Variants in FBXL17 observed in about 807,000 individuals in gnomAD.
FBXL17 encodes the protein F-box and leucine rich repeat protein 17.
A neutral mutation model predicts 66.2 loss-of-function variants in FBXL17; 22 were observed. The observed-to-expected ratio is 0.33, with a 90% CI of 0.24 to 0.47. FBXL17 has a LOEUF of 0.47. FBXL17 is among the 20% of genes least tolerant of loss of function. The pLI, the probability that FBXL17 is intolerant of heterozygous loss-of-function variation, is 1.00. For synonymous variants in FBXL17, 474 were observed against 400.5 expected (o/e 1.18, Z -2.19); for missense variants, 878 against 948.2 (o/e 0.93, Z 0.97).
chr5:108,062,411 T>C (rs1747958445), intron 6 of FBXL17, among the ~76,000 whole-genome samples: 1 of 152,166 alleles, frequency 6.6e-6, no homozygotes. Context: ...AATTCATATC[T>C]TTAATAGTAT....
At chr5:108,009,478 T>C (rs941954151) in intron 7 of FBXL17, among the ~76,000 whole-genome samples, 5 of 151,334 alleles carry the variant, frequency 3.3e-5, no homozygotes, top group Non-Finnish European at 5.9e-5. Flanking sequence ...GCCAAGTCAC[T>C]TTCAGTCACT....
At chr5:108,337,518 T>C (rs1373068472) in intron 4 of FBXL17, among the ~76,000 whole-genome samples, 1 of 152,004 alleles carries the variant, frequency 6.6e-6, no homozygotes, top group Non-Finnish European at 1.5e-5. Flanking sequence ...CTCTCAAACC[T>C]ACAACAAATT....
chr5:108,338,211 C>T (rs1746639415), intron 4 of FBXL17, among the ~76,000 whole-genome samples: 1 of 151,650 alleles, frequency 6.6e-6, no homozygotes, highest in African/African-American at 2.4e-5. Context: ...GAACATGATG[C>T]AAATAATTTT....
At chr5:108,047,749 C>T (rs535961598) in intron 6 of FBXL17, among the ~76,000 whole-genome samples, 166 of 152,326 alleles carry the variant, frequency 1.1e-3, no homozygotes, top group African/African-American at 3.9e-3. Context: ...CCTGCAGGAA[C>T]TCCAACAACT....
chr5:108,231,956 T>G (rs1048851539), intron 4 of FBXL17, among the ~76,000 whole-genome samples: 7 of 151,938 alleles, frequency 4.6e-5, no homozygotes, highest in African/African-American at 1.7e-4. Flanking sequence ...GGATGAAGGT[T>G]TGGGTCACTG....
At chr5:108,293,550 T>C (rs1042860445) in intron 4 of FBXL17, among the ~76,000 whole-genome samples, 3 of 152,112 alleles carry the variant, frequency 2.0e-5, no homozygotes, top group Admixed American at 2.0e-4. Flanking sequence ...GCTTCAAAAT[T>C]GTAAGTCTAA....
Position 108,361,709 on chromosome 5 carries a change from C to T in FBXL17, c.1374+3029G>A, listed in dbSNP as rs184922030. 4.6e-5 allele frequency among the ~76,000 whole-genome samples: 7 copies of T among 152,200 alleles called. No individual in the cohort carries two copies. The East Asian group carries it at 1.4e-3, about 29-fold the overall frequency. On this transcript the variant is annotated intron_variant, in intron 3 of 8. Transcript: ENST00000542267. ...TCAAAAGCAAGTTTCTTTCATTTGC[C>T]TTATACTGTGTTCAATCAATGCCCA...
chr5:108,284,622 G>A (rs1357978056), intron 4 of FBXL17, among the ~76,000 whole-genome samples: 1 of 151,802 alleles, frequency 6.6e-6, no homozygotes, highest in Non-Finnish European at 1.5e-5. Flanking sequence ...TAGGGTGATG[G>A]ATACCCTTAA....
At chr5:108,113,227 A>G (rs1198075159) in intron 6 of FBXL17, among the ~76,000 whole-genome samples, 1 of 152,094 alleles carries the variant, frequency 6.6e-6, no homozygotes, top group Admixed American at 6.6e-5. Flanking sequence ...TGAAGACCAC[A>G]TGGGCATGTG....
intron 7 of FBXL17, among the ~76,000 whole-genome samples, chr5:107,995,352 G>T (rs576621460): frequency 6.6e-6 from 1 of 152,162 alleles, no homozygotes; most frequent in South Asian, 2.1e-4. Flanking sequence ...TGAAAAATTT[G>T]GAATAATCTT....
At chr5:107,976,132 C>T (rs1580273435) in intron 7 of FBXL17, among the ~76,000 whole-genome samples, 1 of 152,292 alleles carries the variant, frequency 6.6e-6, no homozygotes, top group East Asian at 1.9e-4. Context: ...GCTGGGATTA[C>T]AGGCGTAAGC....
chr5:108,168,984 T>C (rs1752510328), intron 6 of FBXL17, among the ~76,000 whole-genome samples: 1 of 152,258 alleles, frequency 6.6e-6, no homozygotes, highest in African/African-American at 2.4e-5. Flanking sequence ...TGTAAAGTTA[T>C]TGTGACCTTG....
At chr5:108,243,042 C>T (rs928943218) in intron 4 of FBXL17, among the ~76,000 whole-genome samples, 3 of 152,096 alleles carry the variant, frequency 2.0e-5, no homozygotes, top group South Asian at 2.1e-4. Context: ...TCTGATAATT[C>T]GATTGTTTAT....
chr5:107,974,010 C>T (rs1343989742), intron 7 of FBXL17, among the ~76,000 whole-genome samples: 1 of 152,020 alleles, frequency 6.6e-6, no homozygotes, highest in African/African-American at 2.4e-5. Flanking sequence ...AATACTTCAT[C>T]ACAGAAAAAA....
intron 6 of FBXL17, among the ~76,000 whole-genome samples, chr5:108,155,386 G>A (rs145065578): frequency 0.032 from 4,851 of 152,066 alleles, 119 homozygotes; most frequent in Non-Finnish European, 0.048. Context: ...GTGGTGGCAC[G>A]TGCCTGTAAT....
intron 7 of FBXL17, among the ~76,000 whole-genome samples, chr5:107,945,302 C>A (rs965307951): frequency 2.0e-5 from 3 of 151,948 alleles, no homozygotes; most frequent in Non-Finnish European, 4.4e-5. Flanking sequence ...AAATGTTATA[C>A]CTGATGGTGA....
At chr5:108,185,207 C>T (rs1753178700) in intron 6 of FBXL17, among the ~76,000 whole-genome samples, 1 of 152,040 alleles carries the variant, frequency 6.6e-6, no homozygotes, top group Non-Finnish European at 1.5e-5. Flanking sequence ...AAAATGTCAT[C>T]CTTAGGTGCT....
chr5:108,211,769 T>A (rs942058769), intron 5 of FBXL17, among the ~76,000 whole-genome samples: 2 of 152,226 alleles, frequency 1.3e-5, no homozygotes, highest in African/African-American at 4.8e-5. Context: ...ATTTTTTCCT[T>A]CATTTCAACC....
rs373444409 is a variant in FBXL17, at chr5:107,859,610, T to C, written c.*2110A>G. ...AGTGCTGTACTTTAGATTCAAACAATGCAACATTTAAAAAAATCAATTATA... is the reference window on the plus strand; with the variant it reads ...AGTGCTGTACTTTAGATTCAAACAACGCAACATTTAAAAAAATCAATTATA... On this transcript the variant is annotated 3_prime_UTR_variant, in exon 9 of 9. Transcript: ENST00000542267. The C allele has an allele frequency of 5.9e-5, 7 of 117,884 alleles. No individual in the cohort carries two copies. In the East Asian group the frequency reaches 1.4e-3, roughly 24 times the overall value. 7.3% of individuals were successfully genotyped at this position (117,884 alleles called of 1,614,324 possible).
Sources: allele counts gnomAD v4.1 joint callset (sites outside exome capture counted in the v4.1 genomes callset), GRCh38; gene constraint gnomAD v4.1.1; transcripts MANE v1.5; gene names NCBI Gene and HGNC (gene_info 2026-07-23, HGNC 2026-07-21).